Variants in TEX11 observed in about 807,000 individuals in gnomAD.
TEX11 encodes testis expressed 11.
In TEX11, 7 loss-of-function variants were observed where a neutral mutation model predicts 84.4. The observed-to-expected ratio is 0.08, with a 90% confidence interval of 0.05 to 0.16. TEX11 has a LOEUF of 0.16. TEX11 is among the 10% of genes least tolerant of loss of function. The pLI is 1.00. For synonymous variants in TEX11, 264 were observed against 222.8 expected, an observed-to-expected ratio of 1.18 and a Z score of -1.64; for missense variants, 551 against 660.5, an observed-to-expected ratio of 0.83 and a Z score of 1.82.
intron 8 of TEX11, among the ~76,000 whole-genome samples, chrX:70,811,383 T>C (rs1353380738): frequency 1.8e-5 from 2 of 111,848 alleles, no homozygotes; most frequent in East Asian, 2.8e-4. Context: ...GCATAGTATT[T>C]CATGGTGTAT....
chrX:70,702,564 G>A (rs1603227780), intron 13 of TEX11, among the ~76,000 whole-genome samples: 1 of 111,682 alleles, frequency 9.0e-6, no homozygotes, highest in Non-Finnish European at 1.9e-5. Context: ...TCTCTGAGAT[G>A]TTTGCCTGCA....
chrX:70,783,073 A>C (rs149610807), intron 9 of TEX11, among the ~76,000 whole-genome samples: 13,859 of 110,889 alleles, frequency 0.12, 766 homozygotes, highest in Middle Eastern at 0.26. Context: ...TTGACCACAT[A>C]ATTGGAAGTA....
chrX:70,783,048 G>C lies in TEX11; in HGVS notation c.692+23657C>G, dbSNP rs924989137. Among the ~76,000 whole-genome samples the C allele has an allele frequency of 6.3e-5, 7 of 111,024 alleles. No homozygotes were observed. The South Asian group carries it at 1.5e-3, about 24-fold the overall frequency. ...TATACATTCTTCTCAGCACCACATCGCACTTATTCTAAAATTGACCACATA... is the reference window on the plus strand; with the variant it reads ...TATACATTCTTCTCAGCACCACATCCCACTTATTCTAAAATTGACCACATA... On this transcript the variant is annotated intron_variant, in intron 9 of 29. Transcript: ENST00000374333.
In TEX11 at chrX:70,586,404, T is replaced by C. The variant is rs533425680; in HGVS notation, c.2140+5347A>G. 6.3e-5 allele frequency among the ~76,000 whole-genome samples: 7 copies of C among 111,764 alleles called. No individual in the cohort carries two copies. In the East Asian group the frequency reaches 1.4e-3, roughly 23 times the overall value. On this transcript the variant is annotated intron_variant, in intron 25 of 29. Coordinates refer to ENST00000374333, the MANE Select transcript of TEX11 (RefSeq NM_031276.3). ...AAAAGAAAACATGCAGGAGAAAATA[T>C]TTGCAAATCATATACCTGATAAGGG...
intron 9 of TEX11, among the ~76,000 whole-genome samples, chrX:70,750,521 C>G (rs1257894445): frequency 1.8e-5 from 2 of 109,746 alleles, no homozygotes; most frequent in African/African-American, 3.3e-5. Flanking sequence ...GGAACCAACC[C>G]AAATGTCCAA....
At chrX:70,841,964 G>T (rs1191400147) in intron 7 of TEX11, among the ~76,000 whole-genome samples, 1 of 111,548 alleles carries the variant, frequency 9.0e-6, no homozygotes, top group Non-Finnish European at 1.9e-5. Context: ...ACCAATAACA[G>T]GCTCTGAAAT....
intron 13 of TEX11, among the ~76,000 whole-genome samples, chrX:70,705,329 G>A (rs2090363312): frequency 9.0e-6 from 1 of 111,582 alleles, no homozygotes; most frequent in Non-Finnish European, 1.9e-5. Flanking sequence ...CCAATTCTGT[G>A]AAGAAAGTCA....
At chrX:70,698,249 G>T (rs949946399) in intron 13 of TEX11, among the ~76,000 whole-genome samples, 1 of 110,712 alleles carries the variant, frequency 9.0e-6, no homozygotes, top group African/African-American at 3.3e-5. Flanking sequence ...TCACCCTATT[G>T]TGCTACTGAA....
At chrX:70,579,685 G>T (rs2147477805) in intron 25 of TEX11, among the ~76,000 whole-genome samples, 1 of 111,689 alleles carries the variant, frequency 9.0e-6, no homozygotes, top group South Asian at 3.8e-4. Flanking sequence ...AATGAGCAAA[G>T]GATCTGAATA....
chrX:70,775,250 T>C (rs888463839), intron 9 of TEX11, among the ~76,000 whole-genome samples: 4 of 110,918 alleles, frequency 3.6e-5, no homozygotes, highest in Non-Finnish European at 5.7e-5. Flanking sequence ...GAAGAAAACA[T>C]AGGGAAAATG....
intron 5 of TEX11, among the ~76,000 whole-genome samples, chrX:70,853,782 G>A (rs1433930780): frequency 1.8e-5 from 2 of 112,098 alleles, no homozygotes; most frequent in Non-Finnish European, 3.8e-5. Context: ...GGAGCTCACA[G>A]TATTGTAACT....
At chrX:70,560,133 TG>T (rs374770276) in intron 25 of TEX11, among the ~76,000 whole-genome samples, 24 of 110,421 alleles carry the variant, frequency 2.2e-4, no homozygotes, top group African/African-American at 6.6e-4. Context: ...ACATTTTTTT[TG>T]GGTGAAATTT....
intron 2 of TEX11, among the ~76,000 whole-genome samples, chrX:70,895,888 C>T (rs1280786430): frequency 1.8e-5 from 2 of 112,313 alleles, no homozygotes; most frequent in Non-Finnish European, 3.8e-5. Context: ...GGATTAAAGA[C>T]TTAAATGTAA....
rs751314633 is a variant in TEX11, at chrX:70,726,450, G to A, written c.844-1107C>T. Among the ~76,000 whole-genome samples, 12 of 111,706 alleles carry A rather than the reference G, an allele frequency of 1.1e-4. No homozygotes were observed. The East Asian group carries it at 3.1e-3, about 29-fold the overall frequency. ...TGAAGATTGCCTGCTAAATCCATCAGCTTTCTCCCTACTATCAAAATCCTT... is the reference window on the plus strand; with the variant it reads ...TGAAGATTGCCTGCTAAATCCATCAACTTTCTCCCTACTATCAAAATCCTT... On this transcript the variant is annotated intron_variant, in intron 11 of 29. Coordinates refer to ENST00000374333, the MANE Select transcript of TEX11 (RefSeq NM_031276.3).
chrX:70,880,515 CTGCCACTGTACTCCA>C (rs1457800301), intron 2 of TEX11, among the ~76,000 whole-genome samples: 5 of 110,438 alleles, frequency 4.5e-5, no homozygotes, highest in Non-Finnish European at 9.5e-5. Flanking sequence ...AGCTACGATC[CTGCCACTGTACTCCA>C]TGCAGCATGG....
intron 12 of TEX11, among the ~76,000 whole-genome samples, chrX:70,723,569 T>C (rs1266588027): frequency 8.9e-6 from 1 of 111,790 alleles, no homozygotes; most frequent in Non-Finnish European, 1.9e-5. Flanking sequence ...TTCTATTTAT[T>C]TGACAAATAT....
chrX:70,754,521 G>A (rs763358292), intron 9 of TEX11, among the ~76,000 whole-genome samples: 7 of 111,748 alleles, frequency 6.3e-5, no homozygotes, highest in Non-Finnish European at 1.3e-4. Flanking sequence ...TGGTGTGGGG[G>A]AACTCACTGC....
rs67299887 is a variant in TEX11 at position 70,869,036 on chromosome X, G to GTAAAATAAAA, written c.244+4177_244+4186dup. Among the ~76,000 whole-genome samples, 354 of 53,715 alleles carry GTAAAATAAAA rather than the reference G, an allele frequency of 6.6e-3. 16 individuals carry two copies. Among genetic ancestry groups the GTAAAATAAAA allele is most frequent in the Middle Eastern group, 0.019 (2 of 105 alleles). The allele number at this position is 53,715 out of a possible 115,157, so 46.6% of individuals were successfully genotyped here. Reference sequence around the variant, plus strand: ...CTGCACACATATCCCAGAACTTAAAGTAAAATAAAATAAAATAAAATAAAA... The same window carrying GTAAAATAAAA: ...CTGCACACATATCCCAGAACTTAAAGTAAAATAAAATAAAATAAAATAAAATAAAATAAAA... On this transcript the variant is annotated intron_variant, in intron 4 of 29. Transcript: ENST00000374333.
At chrX:70,816,368 G>C (rs898686156) in intron 8 of TEX11, among the ~76,000 whole-genome samples, 8 of 111,546 alleles carry the variant, frequency 7.2e-5, no homozygotes, top group African/African-American at 2.3e-4. Flanking sequence ...TAATTTTCCA[G>C]GGGGACAGAG....
Sources: allele counts gnomAD v4.1 joint callset (sites outside exome capture counted in the v4.1 genomes callset), GRCh38; gene constraint gnomAD v4.1.1; transcripts MANE v1.5; gene names NCBI Gene and HGNC (gene_info 2026-07-23, HGNC 2026-07-21).